The following FKBP9 variants were observed in gnomAD, a reference collection of about 807,000 sequenced individuals.
The protein encoded by FKBP9 is peptidyl-prolyl cis-trans isomerase FKBP9.
In FKBP9, 27 loss-of-function variants were observed where a neutral mutation model predicts 55.6. The observed-to-expected ratio is 0.49, with a 90% CI of 0.36 to 0.67. The LOEUF (loss-of-function observed/expected upper bound fraction) is 0.67, where lower values mean the gene tolerates loss of function less well. Among genes scored for constraint, FKBP9 ranks in the 30% least tolerant of loss-of-function variants. The pLI, the probability that FKBP9 is intolerant of heterozygous loss-of-function variation, is 0.00. For synonymous variants in FKBP9, 267 were observed against 296.5 expected, an observed-to-expected ratio of 0.90 and a Z score of 1.02; for missense variants, 539 against 742.8, an observed-to-expected ratio of 0.73 and a Z score of 3.19.
At chr7:32,973,530 A>G (rs1303106766) in intron 1 of FKBP9, among the ~76,000 whole-genome samples, 2 of 151,418 alleles carry the variant, frequency 1.3e-5, no homozygotes, top group Non-Finnish European at 2.9e-5. Context: ...TTATGCTGTT[A>G]TCATGCTGCC....
chr7:32,971,144 G>T (rs1414673615), intron 1 of FKBP9, among the ~76,000 whole-genome samples: 4 of 151,870 alleles, frequency 2.6e-5, no homozygotes, highest in Admixed American at 2.0e-4. Flanking sequence ...TTGTATAAAT[G>T]CTTACTCCAG....
chr7:32,999,922 G>A (rs1784901081), intron 7 of FKBP9, among the ~76,000 whole-genome samples, 193 bp from the exon 8 acceptor site: 1 of 152,094 alleles, frequency 6.6e-6, no homozygotes, highest in African/African-American at 2.4e-5. Flanking sequence ...GGCCTTGACA[G>A]TTTTGAAGAT....
chr7:32,970,019 G>T (rs934308118), intron 1 of FKBP9, among the ~76,000 whole-genome samples: 4 of 151,220 alleles, frequency 2.6e-5, no homozygotes, highest in Middle Eastern at 6.8e-3. Flanking sequence ...AAAAAATTCC[G>T]TATGAATTTT....
chr7:32,984,526 G>A (rs1010501490), intron 5 of FKBP9, among the ~76,000 whole-genome samples: 1 of 152,140 alleles, frequency 6.6e-6, no homozygotes, highest in African/African-American at 2.4e-5. Flanking sequence ...TCAAAGTGCT[G>A]GGATTACAGG....
intron 6 of FKBP9, among the ~76,000 whole-genome samples, chr7:32,994,791 C>T (rs1030193647): frequency 4.6e-5 from 7 of 151,880 alleles, no homozygotes; most frequent in African/African-American, 1.5e-4. Context: ...TAAATATGAG[C>T]GTGAGTGTGT....
At chr7:32,992,275 C>T (rs1744293559) in intron 6 of FKBP9, among the ~76,000 whole-genome samples, 1 of 147,246 alleles carries the variant, frequency 6.8e-6, no homozygotes, top group Admixed American at 6.8e-5. Flanking sequence ...GGAAACCCAC[C>T]CCCTCAGAGG....
chr7:32,991,055 G>A (rs1405098975), intron 6 of FKBP9, among the ~76,000 whole-genome samples: 1 of 152,108 alleles, frequency 6.6e-6, no homozygotes, highest in African/African-American at 2.4e-5. Flanking sequence ...GCTTTTTATC[G>A]TGTGGATTTC....
chr7:33,000,365 A>C, intron 8 of FKBP9, 105 bp downstream of exon 8: 1 of 1,428,868 alleles, frequency 7.0e-7, no homozygotes, highest in Non-Finnish European at 9.5e-7. Flanking sequence ...TCTTACATGT[A>C]ATACCCAAAG....
chr7:32,959,441 A>G (rs1419694920), intron 1 of FKBP9, among the ~76,000 whole-genome samples: 1 of 152,158 alleles, frequency 6.6e-6, no homozygotes, highest in African/African-American at 2.4e-5. Flanking sequence ...ACGAAACAAA[A>G]AAAACAGCTT....
rs750708130 is a variant in FKBP9, at chr7:32,974,746, C to A, written c.351C>A (p.Tyr117Ter). Residue 117 changes from tyrosine to a stop codon, truncating the protein, a stop_gained, in exon 2 of 10, where the codon TAC becomes TAA. Coordinates refer to ENST00000242209, the MANE Select transcript of FKBP9 (RefSeq NM_007270.5). LOFTEE classifies it high-confidence loss of function. ...RFVKIPPKLA[Y>*]GNEGVSGVIP... The stretch of plus-strand genomic sequence containing the variant: ...TGAAGATTCCCCCAAAGCTTGCCTA[C>A]GGAAATGAAGGAGTTTGTAAGCTTT... 6.2e-7 allele frequency: 1 copy of A among 1,613,436 alleles called. No homozygotes were observed. Among genetic ancestry groups the A allele is most frequent in the South Asian group, 1.1e-5 (1 of 90,990 alleles).
intron 1 of FKBP9, among the ~76,000 whole-genome samples, chr7:32,972,636 C>T (rs150137303): frequency 0.046 from 7,029 of 152,164 alleles, 388 homozygotes; most frequent in East Asian, 0.19. Flanking sequence ...GATAATATTT[C>T]ATGTATTGCC....
intron 4 of FKBP9, among the ~76,000 whole-genome samples, chr7:32,976,717 G>T (rs1267945689): frequency 6.6e-6 from 1 of 152,120 alleles, no homozygotes; most frequent in Non-Finnish European, 1.5e-5. Flanking sequence ...ATAGCCTCAC[G>T]TTGCTGAGGA....
intron 1 of FKBP9, among the ~76,000 whole-genome samples, chr7:32,965,812 A>AT (rs1554284288): frequency 0.16 from 5,388 of 34,712 alleles, 259 homozygotes; most frequent in South Asian, 0.25. Context: ...AAAAAAAAAA[A>AT]ATATATATAT....
At chr7:32,959,358 C>T (rs761303552) in intron 1 of FKBP9, among the ~76,000 whole-genome samples, 8 of 152,314 alleles carry the variant, frequency 5.3e-5, no homozygotes, top group Middle Eastern at 6.8e-3. Context: ...TGAGCCGAGA[C>T]GTGCCACTGC....
chr7:32,979,570 A>T, intron 4 of FKBP9: 1 of 1,550,068 alleles, frequency 6.5e-7, no homozygotes, highest in Non-Finnish European at 8.7e-7. Flanking sequence ...TTTGCATGAT[A>T]TAACAAATGG....
At chr7:32,978,812 T>A (rs897980696) in intron 4 of FKBP9, among the ~76,000 whole-genome samples, 1 of 152,226 alleles carries the variant, frequency 6.6e-6, no homozygotes, top group Non-Finnish European at 1.5e-5. Context: ...AAATAAATAA[T>A]AGCTTATTTA....
Position 33,006,583 on chromosome 7 carries a change from A to G in FKBP9, c.*1232A>G, listed in dbSNP as rs1785045564. 2.4e-5 allele frequency: 5 copies of G among 210,216 alleles called. No individual in the cohort carries two copies. In the Admixed American group the frequency reaches 2.9e-4, roughly 12 times the overall value. The allele number at this position is 210,216 out of a possible 1,614,324, so 13.0% of individuals were successfully genotyped here. On this transcript the variant is annotated 3_prime_UTR_variant, in exon 10 of 10. Coordinates refer to ENST00000242209, the MANE Select transcript of FKBP9 (RefSeq NM_007270.5). ...TTTTGTCCCAATAGATGAGCTGCTG[A>G]GCATCAACAAGGTGACATTTTTCTG...
intron 1 of FKBP9, among the ~76,000 whole-genome samples, chr7:32,964,261 G>A (rs1302814712): frequency 2.6e-5 from 4 of 152,196 alleles, no homozygotes; most frequent in African/African-American, 7.2e-5. Flanking sequence ...ACTTATTAGC[G>A]TGGCTTTGAA....
At chr7:33,004,348 C>T (rs1056422204) in intron 9 of FKBP9, among the ~76,000 whole-genome samples, 1 of 152,142 alleles carries the variant, frequency 6.6e-6, no homozygotes, top group Non-Finnish European at 1.5e-5. Flanking sequence ...GAAGACCCTG[C>T]ACTTTCTGCT....
Sources: gnomAD v4.1 joint callset for allele counts (sites outside exome capture counted in the v4.1 genomes callset) on GRCh38, gnomAD v4.1.1 for gene constraint, MANE v1.5 for transcripts, NCBI Gene and HGNC (gene_info 2026-07-23, HGNC 2026-07-21) for gene names.